CHL1: variants seen among roughly 807,000 people sequenced by gnomAD.
The protein encoded by CHL1 is neural cell adhesion molecule L1-like protein.
In CHL1, 96 loss-of-function variants were observed where a neutral mutation model predicts 141.9. The ratio of observed to expected loss-of-function variants is 0.68; its 90% CI spans 0.57 to 0.80. The LOEUF is 0.80. CHL1 is among the 30% of genes least tolerant of loss of function. The probability of loss-of-function intolerance (pLI) is 0.00; values close to 1 mark genes in which losing one functional copy is unlikely to be tolerated. For missense variants in CHL1, 1,820 were observed against 1,457.2 expected (o/e 1.25, Z -4.05); for synonymous variants, 613 against 502.2 (o/e 1.22, Z -2.95).
Position 377,960 on chromosome 3 carries a change from T to C in CHL1, c.1876+18T>C, listed in dbSNP as rs1012141663. The C allele has an allele frequency of 6.9e-6, 11 of 1,583,186 alleles. No homozygotes were observed. The highest frequency in any genetic ancestry group is 3.6e-5 in the South Asian group (3 of 84,222). On this transcript the variant is annotated intron_variant, in intron 16 of 27. Coordinates refer to ENST00000256509, the MANE Select transcript of CHL1 (RefSeq NM_006614.4). ...TGTTCTTGGTAAGTGCACTAACTAA[T>C]GAGAAATCTGTTCATTTCTTCATTT... is the stretch of plus-strand genomic sequence containing the variant.
intron 2 of CHL1, among the ~76,000 whole-genome samples, chr3:273,269 G>A (rs1457615197): frequency 1.3e-5 from 2 of 152,140 alleles, no homozygotes; most frequent in African/African-American, 4.8e-5. Flanking sequence ...TGATCAAAAT[G>A]AATTTGCTGT....
chr3:401,018 C>G (rs1440894971), intron 26 of CHL1, among the ~76,000 whole-genome samples: 1 of 151,202 alleles, frequency 6.6e-6, no homozygotes, highest in East Asian at 2.0e-4. Flanking sequence ...CCTCCAACCT[C>G]AGCTCCTCGT....
In CHL1 at chr3:405,539, A is replaced by G. The variant is rs772593960; in HGVS notation, c.3503A>G (p.Asn1168Ser). ...KPLKGSLRSL[N>S]RDMQPTESAD... ...CTCAAAGGAAGCCTTCGGTCCCTTAATAGGGATATGCAGCCTACTGAAAGT... is the reference window on the plus strand; with the variant it reads ...CTCAAAGGAAGCCTTCGGTCCCTTAGTAGGGATATGCAGCCTACTGAAAGT... Residue 1168 changes from asparagine (N) to serine (S), a missense_variant, in exon 28 of 28, where the codon AAT (asparagine) becomes AGT (serine). Coordinates refer to ENST00000256509, the MANE Select transcript of CHL1 (RefSeq NM_006614.4). The G allele has an allele frequency of 5.6e-6, 9 of 1,613,224 alleles. No individual in the cohort carries two copies. In the East Asian group the frequency reaches 2.0e-4, roughly 36 times the overall value.
intron 23 of CHL1, among the ~76,000 whole-genome samples, chr3:393,482 T>C (rs920677663): frequency 6.6e-6 from 1 of 152,084 alleles, no homozygotes; most frequent in African/African-American, 2.4e-5. Flanking sequence ...TACGTTTATT[T>C]AAAAACAAGT....
At chr3:366,235 C>G (rs1165694556) in intron 15 of CHL1, 120 bp downstream of exon 15, 2 of 899,136 alleles carry the variant, frequency 2.2e-6, no homozygotes, top group Non-Finnish European at 3.4e-6. Flanking sequence ...CTTTGGGAGA[C>G]CGAGGCGAGT....
chr3:331,807 C>T (rs1384928622), intron 5 of CHL1, among the ~76,000 whole-genome samples: 1 of 152,068 alleles, frequency 6.6e-6, no homozygotes, highest in Non-Finnish European at 1.5e-5. Context: ...GACTGGAGGG[C>T]CAATAAAAAT....
At chr3:210,196 T>G (rs1411787465) in intron 1 of CHL1, among the ~76,000 whole-genome samples, 1 of 152,208 alleles carries the variant, frequency 6.6e-6, no homozygotes, top group East Asian at 1.9e-4. Context: ...TGTAGCAAAG[T>G]AACAATTTGT....
At chr3:263,810 T>C (rs1469286183) in intron 2 of CHL1, among the ~76,000 whole-genome samples, 1 of 152,262 alleles carries the variant, frequency 6.6e-6, no homozygotes, top group Non-Finnish European at 1.5e-5. Context: ...AGAATGATTT[T>C]AATTATGCCA....
intron 1 of CHL1, among the ~76,000 whole-genome samples, chr3:228,577 T>A (rs1701581942): frequency 6.6e-6 from 1 of 152,180 alleles, no homozygotes; most frequent in Non-Finnish European, 1.5e-5. Flanking sequence ...TGTGGAATAA[T>A]GCAGACTAGA....
At chr3:382,764 G>C in intron 18 of CHL1, 93 bp downstream of exon 18, 1 of 1,093,176 alleles carries the variant, frequency 9.1e-7, no homozygotes, top group Non-Finnish European at 1.4e-6. Flanking sequence ...AGTAATGTAG[G>C]ATTTTAGATT....
chr3:345,161 AT>A (rs1702658442), intron 9 of CHL1, among the ~76,000 whole-genome samples: 1 of 152,168 alleles, frequency 6.6e-6, no homozygotes, highest in African/African-American at 2.4e-5. Context: ...GGGGATGATG[AT>A]AACATTCTCC....
chr3:324,622 T>G (rs1012616707), intron 3 of CHL1, among the ~76,000 whole-genome samples: 9 of 129,742 alleles, frequency 6.9e-5, no homozygotes, highest in Non-Finnish European at 1.4e-4. Flanking sequence ...TATTTATTTA[T>G]TTATTTATTT....
chr3:291,958 G>A (rs1273001695), intron 2 of CHL1, among the ~76,000 whole-genome samples: 2 of 152,168 alleles, frequency 1.3e-5, no homozygotes, highest in African/African-American at 2.4e-5. Flanking sequence ...TTCTAAGGCA[G>A]GACTTATGCT....
intron 3 of CHL1, among the ~76,000 whole-genome samples, chr3:322,645 A>AATATATATATATATATATATATATAAAAT (rs1700669781): frequency 3.8e-5 from 5 of 130,208 alleles, no homozygotes; most frequent in South Asian, 2.3e-4. Flanking sequence ...ATATATATAA[A>AATATATATATATATATATATATATAAAAT]ATATATATAT....
chr3:320,541 G>C (rs1470492186), intron 3 of CHL1, among the ~76,000 whole-genome samples: 1 of 151,968 alleles, frequency 6.6e-6, no homozygotes, highest in South Asian at 2.1e-4. Context: ...ATCAGCATCA[G>C]CAGGACATGG....
intron 23 of CHL1, among the ~76,000 whole-genome samples, chr3:392,561 C>T (rs147785569): frequency 5.3e-5 from 8 of 152,056 alleles, no homozygotes; most frequent in Non-Finnish European, 8.8e-5. Flanking sequence ...AATGGAAATT[C>T]GGGGATTGAC....
At chr3:366,176 T>A (rs1704852107) in intron 15 of CHL1, 61 bp downstream of exon 15, 7 of 1,533,628 alleles carry the variant, frequency 4.6e-6, no homozygotes, top group Middle Eastern at 1.9e-4. Flanking sequence ...TGCATTTGAT[T>A]TAAAAAGTTC....
chr3:342,506 C>CT (rs1362668847), intron 7 of CHL1, among the ~76,000 whole-genome samples: 1 of 152,126 alleles, frequency 6.6e-6, no homozygotes, highest in Non-Finnish European at 1.5e-5. Context: ...TTGAATCACC[C>CT]TTTCCCGACT....
At chr3:398,445 A>G in intron 25 of CHL1, 60 bp downstream of exon 25, 1 of 1,082,320 alleles carries the variant, frequency 9.2e-7, no homozygotes, top group Non-Finnish European at 1.4e-6. Context: ...TAGAATACTT[A>G]GTGTTGCCTG....
Sources: gnomAD v4.1 joint callset for allele counts (sites outside exome capture counted in the v4.1 genomes callset) on GRCh38, gnomAD v4.1.1 for gene constraint, MANE v1.5 for transcripts, NCBI Gene and HGNC (gene_info 2026-07-23, HGNC 2026-07-21) for gene names.